KIF2A: variants seen among roughly 807,000 people sequenced by gnomAD.
KIF2A encodes kinesin-like protein KIF2A.
KIF2A carries 22 observed loss-of-function variants against 100.2 expected under a neutral mutation model. The ratio of observed to expected loss-of-function variants is 0.22; its 90% CI spans 0.16 to 0.31. The LOEUF (loss-of-function observed/expected upper bound fraction) is 0.31. Among genes scored for constraint, KIF2A ranks in the 10% least tolerant of loss-of-function variants. The probability of loss-of-function intolerance (pLI) is 1.00; values close to 1 mark genes in which losing one functional copy is unlikely to be tolerated. For missense variants in KIF2A, 495 were observed against 898.7 expected (o/e 0.55, Z 5.74); for synonymous variants, 268 against 285.9 (o/e 0.94, Z 0.63).
At chr5:62,340,861 A>G (rs1747259240) in intron 1 of KIF2A, among the ~76,000 whole-genome samples, 2 of 152,172 alleles carry the variant, frequency 1.3e-5, no homozygotes, top group Non-Finnish European at 2.9e-5. Context: ...TGAGTAGCTC[A>G]ATGAAAAGCC....
In KIF2A at chr5:62,390,976, G is replaced by T. The variant is rs1345898251; in HGVS notation, c.*5407G>T. ...TTATCTGCTATGCTGAAATCTTCTG[G>T]TATTATCTATCAATATAAGATTCAG... is the stretch of plus-strand genomic sequence containing the variant. On this transcript the variant is annotated 3_prime_UTR_variant, in exon 21 of 21. Coordinates refer to ENST00000407818, the MANE Select transcript of KIF2A (RefSeq NM_001098511.3). 1 of 1,611,990 alleles carries T rather than the reference G, an allele frequency of 6.2e-7. No individual in the cohort carries two copies. Among genetic ancestry groups the T allele is most frequent in the African/African-American group, 1.3e-5 (1 of 74,840 alleles).
intron 8 of KIF2A, 26 bp from the exon 9 acceptor site, chr5:62,358,111 G>A (rs750414515): frequency 4.6e-5 from 68 of 1,480,556 alleles, no homozygotes; most frequent in Non-Finnish European, 5.9e-5. Flanking sequence ...AAATTATTGG[G>A]CATTGATTTT....
intron 20 of KIF2A, among the ~76,000 whole-genome samples, chr5:62,383,231 T>A (rs1462948902): frequency 4.1e-3 from 62 of 15,046 alleles, no homozygotes; most frequent in African/African-American, 0.023. Context: ...CTGGCCAGAT[T>A]TTTTTTTTTT....
At chr5:62,322,992 C>T (rs1253271967) in intron 1 of KIF2A, among the ~76,000 whole-genome samples, 1 of 148,042 alleles carries the variant, frequency 6.8e-6, no homozygotes, top group Non-Finnish European at 1.5e-5. Flanking sequence ...CGCAGTGACT[C>T]ATGCCTGTAA....
intron 12 of KIF2A, 102 bp downstream of exon 12, chr5:62,362,643 C>A: frequency 2.2e-6 from 1 of 457,218 alleles, no homozygotes. Flanking sequence ...AATATATTCA[C>A]ATTGTTGTGC....
At chr5:62,376,574 C>T (rs577011564) in intron 18 of KIF2A, among the ~76,000 whole-genome samples, 1 of 152,160 alleles carries the variant, frequency 6.6e-6, no homozygotes, top group East Asian at 1.9e-4. Flanking sequence ...CGCACACCAC[C>T]ATGCCCAGCT....
At chr5:62,364,518 C>T (rs747224783) in intron 14 of KIF2A, among the ~76,000 whole-genome samples, 6 of 152,122 alleles carry the variant, frequency 3.9e-5, no homozygotes, top group Non-Finnish European at 7.4e-5. Flanking sequence ...GAAACAGTTT[C>T]TCAGAAAAAT....
intron 12 of KIF2A, 122 bp from the exon 13 acceptor site, chr5:62,363,056 G>C (rs1202481498): frequency 1.4e-6 from 1 of 726,686 alleles, no homozygotes; most frequent in African/African-American, 1.8e-5. Context: ...TTGAACTCCT[G>C]AGCTCAAGCC....
At chr5:62,383,070 G>A (rs1394865869) in intron 20 of KIF2A, among the ~76,000 whole-genome samples, 1 of 150,762 alleles carries the variant, frequency 6.6e-6, no homozygotes, top group Admixed American at 6.6e-5. Flanking sequence ...GGGATTACAG[G>A]CGTGTGCCAC....
At chr5:62,351,190 C>T (rs1159194768) in intron 4 of KIF2A, among the ~76,000 whole-genome samples, 3 of 151,988 alleles carry the variant, frequency 2.0e-5, no homozygotes, top group Admixed American at 6.6e-5. Flanking sequence ...GAGATTGTGC[C>T]ACTGCATTCC....
chr5:62,348,250 A>G, intron 3 of KIF2A, 83 bp downstream of exon 3: 1 of 1,438,156 alleles, frequency 7.0e-7, no homozygotes, highest in East Asian at 2.3e-5. Flanking sequence ...TGAAATTGGT[A>G]GGCTTTGAAG....
In KIF2A at chr5:62,314,229, G is replaced by C. The variant is rs2111780386; in HGVS notation, c.64+7693G>C. Among the ~76,000 whole-genome samples, 2 of 152,240 alleles carry C rather than the reference G, an allele frequency of 1.3e-5. 1 individual carries two copies. The highest frequency in any genetic ancestry group is 4.1e-4 in the South Asian group (2 of 4,828). Reference sequence around the variant, plus strand: ...TGCCTGTAATCCCAGCACTTTGGGAGGCCTAGGCAGGAGGATTGCTTGAAG... The same window carrying C: ...TGCCTGTAATCCCAGCACTTTGGGACGCCTAGGCAGGAGGATTGCTTGAAG... On this transcript the variant is annotated intron_variant, in intron 1 of 20. Coordinates refer to ENST00000407818, the MANE Select transcript of KIF2A (RefSeq NM_001098511.3).
chr5:62,352,741 A>G, intron 5 of KIF2A, 31 bp downstream of exon 5: 1 of 1,592,704 alleles, frequency 6.3e-7, no homozygotes, highest in Non-Finnish European at 8.6e-7. Flanking sequence ...GGATTTAGTC[A>G]TTTTAGGCAT....
intron 20 of KIF2A, among the ~76,000 whole-genome samples, chr5:62,383,087 C>T (rs1301858538): frequency 6.6e-6 from 1 of 150,946 alleles, no homozygotes; most frequent in East Asian, 1.9e-4. Flanking sequence ...CCACTGTACC[C>T]GGCTACTTTT....
intron 1 of KIF2A, among the ~76,000 whole-genome samples, chr5:62,322,864 GTT>G (rs36138729): frequency 7.4e-6 from 1 of 134,476 alleles, no homozygotes. Context: ...TGGTTTTTGG[GTT>G]TTTTTTTTTA....
intron 15 of KIF2A, 116 bp from the exon 16 acceptor site, chr5:62,366,298 A>G (rs922668760): frequency 5.9e-6 from 4 of 674,970 alleles, no homozygotes; most frequent in Non-Finnish European, 1.1e-5. Context: ...ATCATTAATA[A>G]GTCTTTATTT....
At chr5:62,338,547 C>T (rs1747101424) in intron 1 of KIF2A, among the ~76,000 whole-genome samples, 1 of 152,164 alleles carries the variant, frequency 6.6e-6, no homozygotes, top group Non-Finnish European at 1.5e-5. Context: ...ACCTCAGCCT[C>T]CCACAGTGCT....
chr5:62,387,996 CTACTATAACTCTATTATAGTA>C lies in KIF2A; in HGVS notation c.*2430_*2450del. 6.6e-6 allele frequency: 1 copy of C among 151,834 alleles called. No individual in the cohort carries two copies. The allele number at this position is 151,834 out of a possible 1,614,324, so 9.4% of individuals were successfully genotyped here. On this transcript the variant is annotated 3_prime_UTR_variant, in exon 21 of 21. Transcript: ENST00000407818. ...TTAATTTTTTATAGAAACAAAATAGCTACTATAACTCTATTATAGTATATTAACAGCACTTAGTATTATATT... is the reference window on the plus strand; with the variant it reads ...TTAATTTTTTATAGAAACAAAATAGCTATTAACAGCACTTAGTATTATATT...
chr5:62,308,626 A>G, intron 1 of KIF2A: 1 of 694,662 alleles, frequency 1.4e-6, no homozygotes, highest in Non-Finnish European at 2.6e-6. Flanking sequence ...GTTTACCACA[A>G]CATAGATGGA....
Sources: gnomAD v4.1 joint callset for allele counts (sites outside exome capture counted in the v4.1 genomes callset) on GRCh38, gnomAD v4.1.1 for gene constraint, MANE v1.5 for transcripts, NCBI Gene and HGNC (gene_info 2026-07-23, HGNC 2026-07-21) for gene names.